The following TMEM201 variants were observed in gnomAD, a reference collection of about 807,000 sequenced individuals.
TMEM201 encodes the protein RP13-15M17.2.
In TMEM201, 26 loss-of-function variants were observed where a neutral mutation model predicts 63.4. That is an observed-to-expected ratio of 0.41 (90% CI 0.30 to 0.57). TMEM201 has a LOEUF of 0.57. TMEM201 is among the 20% of genes least tolerant of loss of function. TMEM201 has a pLI of 0.29. For missense variants in TMEM201, 794 were observed against 917.7 expected (o/e 0.87, Z 1.74); for synonymous variants, 417 against 421.6 (o/e 0.99, Z 0.14).
At position 9,609,942 on chromosome 1, in the gene TMEM201, G is replaced by A. The variant is rs886120587; in HGVS notation, c.1465+31G>A. 9.0e-6 allele frequency: 14 copies of A among 1,547,202 alleles called. No individual in the cohort carries two copies. The East Asian group carries it at 1.2e-4, about 14-fold the overall frequency. Reference sequence around the variant, plus strand: ...GAAGACAGAGAGCTAAGTGGGGGACGGGGCAACATGAAGCCCGGGCGTTCC... The same window carrying A: ...GAAGACAGAGAGCTAAGTGGGGGACAGGGCAACATGAAGCCCGGGCGTTCC... On this transcript the variant is annotated intron_variant, in intron 8 of 10. Coordinates refer to ENST00000340381, the MANE Select transcript of TMEM201 (RefSeq NM_001130924.3).
chr1:9,596,896 T>G lies in TMEM201; in HGVS notation c.272T>G (p.Leu91Trp), dbSNP rs764037971. 3 of 1,606,924 alleles carry G rather than the reference T, an allele frequency of 1.9e-6. No homozygotes were observed. The highest frequency in any genetic ancestry group is 2.6e-6 in the Non-Finnish European group (3 of 1,175,024). Residue 91 changes from leucine to tryptophan, a missense_variant, in exon 3 of 11, where the codon TTG (leucine) becomes TGG (tryptophan). By Grantham distance (61) the Leu-to-Trp change is moderately conservative. Coordinates refer to ENST00000340381, the MANE Select transcript of TMEM201 (RefSeq NM_001130924.3). ...DYNKPIPAQYLEHLNHVVSSA... is the reference protein window; with the variant it reads ...DYNKPIPAQYWEHLNHVVSSA... Reference sequence around the variant, plus strand: ...AACAAGCCGATCCCCGCCCAGTACTTGGAGCACCTGAACCACGTGGTGAGC... The same window carrying G: ...AACAAGCCGATCCCCGCCCAGTACTGGGAGCACCTGAACCACGTGGTGAGC...
Position 9,604,602 on chromosome 1 carries a change from G to A in TMEM201, c.1160+2330G>A, listed in dbSNP as rs985636183. 1.0e-6 allele frequency: 1 copy of A among 985,390 alleles called. No individual in the cohort carries two copies. Among genetic ancestry groups the A allele is most frequent in the Non-Finnish European group, 1.2e-6 (1 of 829,938 alleles). The allele number at this position is 985,390 out of a possible 1,614,324, so 61.0% of individuals were successfully genotyped here. On this transcript the variant is annotated intron_variant, in intron 6 of 10. Transcript: ENST00000340381. The surrounding 1 kb of genome is among the most constrained non-coding windows in gnomAD (Gnocchi z 4.1). ...TCAGACCTTCTAGGGTCTGGCTGGG[G>A]TCATCCTAGGTATGGGTGACCGTCC...
chr1:9,592,008 T>C lies in TMEM201; in HGVS notation c.113+2965T>C, dbSNP rs901508994. ...CGTTTGCATCTCTGCCAGCCTAGGG[T>C]GGTGCTTGCTTAACTGATGGGATGT... is the stretch of plus-strand genomic sequence containing the variant. On this transcript the variant is annotated intron_variant, in intron 1 of 10. Transcript: ENST00000340381. Among the ~76,000 whole-genome samples the C allele has an allele frequency of 2.0e-5, 3 of 152,196 alleles. No homozygotes were observed. The East Asian group carries it at 5.8e-4, about 29-fold the overall frequency.
chr1:9,590,778 C>T (rs1431630092), intron 1 of TMEM201, among the ~76,000 whole-genome samples: 1 of 152,178 alleles, frequency 6.6e-6, no homozygotes, highest in Non-Finnish European at 1.5e-5. Context: ...CACTGGGTTT[C>T]ACCTGGAGGT....
At position 9,608,048 on chromosome 1, in the gene TMEM201, G is replaced by C. The variant is rs1644272740; in HGVS notation, c.1393+259G>C. 6.6e-6 allele frequency among the ~76,000 whole-genome samples: 1 copy of C among 152,122 alleles called. No individual in the cohort carries two copies. The highest frequency in any genetic ancestry group is 2.4e-5 in the African/African-American group (1 of 41,406). On this transcript the variant is annotated intron_variant, in intron 7 of 10. Coordinates refer to ENST00000340381, the MANE Select transcript of TMEM201 (RefSeq NM_001130924.3). The surrounding 1 kb of genome is among the most constrained non-coding windows in gnomAD (Gnocchi z 4.3). ...AGGCTAGGAGTTCAAGACCAGCCTG[G>C]GCAACATAGGGAGACGCTGTCTCTA...
In TMEM201 at chr1:9,607,651, A is replaced by G. The variant is rs1644265696; in HGVS notation, c.1255A>G (p.Ile419Val). Residue 419 changes from isoleucine (I) to valine (V), a missense_variant, in exon 7 of 11, where the codon ATC becomes GTC. Physicochemically the swap from Ile to Val is conservative, Grantham distance 29. Transcript: ENST00000340381. The surrounding 1 kb of genome is among the most constrained non-coding windows in gnomAD (Gnocchi z 5.4). Reference sequence around the variant, plus strand: ...CGGAGGCTCTCCAGCGTCTCTGTTCATCCCCAGCCCGCCCAGCTTCCTGCC... The same window carrying G: ...CGGAGGCTCTCCAGCGTCTCTGTTCGTCCCCAGCCCGCCCAGCTTCCTGCC... Reference protein sequence around the residue: ...SVGGSPASLFIPSPPSFLPLA... With the variant: ...SVGGSPASLFVPSPPSFLPLA... 6 of 1,551,630 alleles carry G rather than the reference A, an allele frequency of 3.9e-6. No individual in the cohort carries two copies. Among genetic ancestry groups the G allele is most frequent in the Non-Finnish European group, 5.2e-6 (6 of 1,147,060 alleles).
chr1:9,600,370 G>T (rs561792943), intron 4 of TMEM201, among the ~76,000 whole-genome samples: 1 of 152,166 alleles, frequency 6.6e-6, no homozygotes, highest in Non-Finnish European at 1.5e-5. Context: ...CCTGAGTGTG[G>T]TTTCCACAGC....
chr1:9,604,132 T>G lies in TMEM201; in HGVS notation c.1160+1860T>G. ...CCTGTCGGCTGGCCATGCTGTTGCT[T>G]GCGTCTCGAATCTTCGGTTCTCGAG... On this transcript the variant is annotated intron_variant, in intron 6 of 10. Transcript: ENST00000340381. The surrounding 1 kb of genome is among the most constrained non-coding windows in gnomAD (Gnocchi z 4.1). 2 of 985,440 alleles carry G rather than the reference T, an allele frequency of 2.0e-6. No individual in the cohort carries two copies. The highest frequency in any genetic ancestry group is 9.4e-5 in the South Asian group (2 of 21,288). 61.0% of individuals were successfully genotyped at this position (985,440 alleles called of 1,614,324 possible).
At chr1:9,599,980 A>T (rs1468830338) in intron 4 of TMEM201, among the ~76,000 whole-genome samples, 1 of 152,226 alleles carries the variant, frequency 6.6e-6, no homozygotes, top group Non-Finnish European at 1.5e-5. Context: ...GTAGTAAGTT[A>T]TTCAGACCAG....
intron 4 of TMEM201, among the ~76,000 whole-genome samples, chr1:9,599,219 C>T (rs938303466): frequency 2.6e-5 from 4 of 151,912 alleles, no homozygotes; most frequent in South Asian, 2.1e-4. Flanking sequence ...GGATTACAGG[C>T]GTGAGCCACC....
rs1351579716 is a variant in TMEM201 at position 9,605,914 on chromosome 1, G to A, written c.1161-1643G>A. Among the ~76,000 whole-genome samples, 2 of 152,222 alleles carry A rather than the reference G, an allele frequency of 1.3e-5. No individual in the cohort carries two copies. The highest frequency in any genetic ancestry group is 2.1e-4 in the South Asian group (1 of 4,820). On this transcript the variant is annotated intron_variant, in intron 6 of 10. Transcript: ENST00000340381. This position sits in a 1 kb window ranked among gnomAD's most constrained non-coding sequence, Gnocchi z 5.7. Reference sequence around the variant, plus strand: ...ACCCTCCTTTCACACATCCCCCAACGGTACTCTCAGGTCACTGGGGGACCT... The same window carrying A: ...ACCCTCCTTTCACACATCCCCCAACAGTACTCTCAGGTCACTGGGGGACCT...
At position 9,607,880 on chromosome 1, in the gene TMEM201, A is replaced by G. The variant is rs1569956513; in HGVS notation, c.1393+91A>G. ...GGTACATAGTGTAGGGAGGGCCGGG[A>G]GTGGTTAGTGTTCCTGCTGCAGAGA... On this transcript the variant is annotated intron_variant, in intron 7 of 10. Transcript: ENST00000340381. This position sits in a 1 kb window ranked among gnomAD's most constrained non-coding sequence, Gnocchi z 5.4. 1 of 1,242,664 alleles carries G rather than the reference A, an allele frequency of 8.0e-7. No homozygotes were observed. Among genetic ancestry groups the G allele is most frequent in the Non-Finnish European group, 1.1e-6 (1 of 900,146 alleles). 77.0% of individuals were successfully genotyped at this position (1,242,664 alleles called of 1,614,324 possible).
rs1048781926 is a variant in TMEM201, at chr1:9,609,941, C to T, written c.1465+30C>T. 1.4e-4 allele frequency: 216 copies of T among 1,547,482 alleles called. No homozygotes were observed. In the Admixed American group the frequency reaches 3.5e-3, roughly 25 times the overall value. The stretch of plus-strand genomic sequence containing the variant: ...GGAAGACAGAGAGCTAAGTGGGGGA[C>T]GGGGCAACATGAAGCCCGGGCGTTC... On this transcript the variant is annotated intron_variant, in intron 8 of 10. Transcript: ENST00000340381.
intron 1 of TMEM201, among the ~76,000 whole-genome samples, chr1:9,589,560 T>C (rs1643886078): frequency 6.6e-6 from 1 of 152,256 alleles, no homozygotes; most frequent in African/African-American, 2.4e-5. Context: ...GCCGATGGAA[T>C]CTGCAGGGCA....
In TMEM201 at chr1:9,614,744, C is replaced by T. The variant is rs1448106698; in HGVS notation, c.*1661C>T. On this transcript the variant is annotated 3_prime_UTR_variant, in exon 11 of 11. Transcript: ENST00000340381. ...CCTCTCCTGCCCAGACCTGCGGTCC[C>T]AGCATCCCCCAGAGCCAGGGAACAG... 1 of 152,252 alleles carries T rather than the reference C, an allele frequency of 6.6e-6. No individual in the cohort carries two copies. Among genetic ancestry groups the T allele is most frequent in the African/African-American group, 2.4e-5 (1 of 41,462 alleles). 9.4% of individuals were successfully genotyped at this position (152,252 alleles called of 1,614,324 possible). A position where few individuals can be genotyped will look rare whatever the true frequency, so the allele number is the denominator to read the frequency against.
intron 3 of TMEM201, among the ~76,000 whole-genome samples, chr1:9,598,020 GCTCT>G (rs955393723): frequency 2.6e-5 from 4 of 152,196 alleles, no homozygotes; most frequent in African/African-American, 9.7e-5. Context: ...CTGGCCAGGG[GCTCT>G]CTAGCATTCA....
At chr1:9,591,390 T>C (rs925145795) in intron 1 of TMEM201, among the ~76,000 whole-genome samples, 2 of 152,224 alleles carry the variant, frequency 1.3e-5, no homozygotes, top group African/African-American at 4.8e-5. Flanking sequence ...CTCTGGGTGC[T>C]CATGGAGCCC....
At position 9,603,683 on chromosome 1, in the gene TMEM201, A is replaced by C. The variant is rs1569944482; in HGVS notation, c.1160+1411A>C. The stretch of plus-strand genomic sequence containing the variant: ...GTTGGGGGGGCAGGTGCCAGGCCTC[A>C]CTGCTGTGAATCTGCCACGCCTGGG... On this transcript the variant is annotated intron_variant, in intron 6 of 10. Coordinates refer to ENST00000340381, the MANE Select transcript of TMEM201 (RefSeq NM_001130924.3). The surrounding 1 kb of genome is among the most constrained non-coding windows in gnomAD (Gnocchi z 4.5). 1.0e-6 allele frequency: 1 copy of C among 985,412 alleles called. No homozygotes were observed. Among genetic ancestry groups the C allele is most frequent in the Non-Finnish European group, 1.2e-6 (1 of 829,958 alleles). The allele number at this position is 985,412 out of a possible 1,614,324, so 61.0% of individuals were successfully genotyped here.
intron 9 of TMEM201, 145 bp from the exon 10 acceptor site, chr1:9,611,608 C>A (rs1469605863): frequency 3.0e-6 from 3 of 1,014,344 alleles, no homozygotes; most frequent in Non-Finnish European, 4.4e-6. Context: ...ACCTGGCCCC[C>A]CACTGTCCAG....
Sources: allele counts gnomAD v4.1 joint callset (sites outside exome capture counted in the v4.1 genomes callset), GRCh38; gene constraint gnomAD v4.1.1; non-coding constraint Gnocchi (gnomAD v3.1); transcripts MANE v1.5; gene names NCBI Gene and HGNC (gene_info 2026-07-23, HGNC 2026-07-21).